Variants in TENM3 observed in about 807,000 individuals in gnomAD.
TENM3 encodes the protein teneurin-3.
Under a neutral mutation model 255.1 loss-of-function variants are expected in TENM3, and 63 were observed. The observed-to-expected ratio is 0.25, with a 90% CI of 0.20 to 0.30. The LOEUF (loss-of-function observed/expected upper bound fraction) is 0.30, where lower values mean the gene tolerates loss of function less well. Among genes scored for constraint, TENM3 ranks in the 10% least tolerant of loss-of-function variants. The pLI is 1.00. For missense variants in TENM3, 2,929 were observed against 3,461.1 expected (o/e 0.85, Z 3.86); for synonymous variants, 1,306 against 1,322.3 (o/e 0.99, Z 0.27).
chr4:181,967,247 T>C, the TENM3 span, among the ~76,000 whole-genome samples: 4 of 152,150 alleles, frequency 2.6e-5, no homozygotes, highest in African/African-American at 9.7e-5. Context: ...GAGAATGAGG[T>C]CCAAATATGG....
chr4:182,151,664 C>CA (rs1264302513), intron 1 of TENM3, among the ~76,000 whole-genome samples: 1 of 151,270 alleles, frequency 6.6e-6, no homozygotes. Flanking sequence ...CTCTTAGGAG[C>CA]AAAAAAACAA....
intron 3 of TENM3, among the ~76,000 whole-genome samples, chr4:182,544,095 T>C (rs1031335530): frequency 2.6e-5 from 4 of 152,158 alleles, no homozygotes; most frequent in African/African-American, 9.7e-5. Context: ...AAGTGAGTTA[T>C]CAGATTTCAG....
chr4:181,658,070 T>C, the TENM3 span, among the ~76,000 whole-genome samples: 5 of 152,116 alleles, frequency 3.3e-5, no homozygotes, highest in African/African-American at 9.7e-5. Context: ...ATGAGATCCA[T>C]AGAAGCCCAA....
At chr4:182,629,993 T>C (rs1158387551) in intron 5 of TENM3, among the ~76,000 whole-genome samples, 2 of 152,192 alleles carry the variant, frequency 1.3e-5, no homozygotes, top group Non-Finnish European at 2.9e-5. Flanking sequence ...TTTTTTCCAA[T>C]TTTTTGACCA....
the TENM3 span, among the ~76,000 whole-genome samples, chr4:181,558,374 C>G: frequency 6.6e-6 from 1 of 152,228 alleles, no homozygotes; most frequent in Non-Finnish European, 1.5e-5. Context: ...GTAAAACCCA[C>G]TATTGATGTG....
chr4:182,757,339 ATCT>A (rs1210260743), intron 22 of TENM3, among the ~76,000 whole-genome samples: 20 of 141,264 alleles, frequency 1.4e-4, no homozygotes, highest in African/African-American at 5.2e-4. Flanking sequence ...AAAAAAAAAG[ATCT>A]TCAGGAGATG....
the TENM3 span, among the ~76,000 whole-genome samples, chr4:181,806,972 G>A: frequency 1.3e-5 from 2 of 152,164 alleles, no homozygotes; most frequent in African/African-American, 4.8e-5. Flanking sequence ...GGCACACAGT[G>A]TAGATACTCC....
the TENM3 span, among the ~76,000 whole-genome samples, chr4:181,910,159 C>T: frequency 6.6e-6 from 1 of 152,186 alleles, no homozygotes; most frequent in Admixed American, 6.6e-5. Context: ...TGTTTTAGTC[C>T]AGAATATATC....
the TENM3 span, among the ~76,000 whole-genome samples, chr4:181,836,809 CT>C: frequency 6.6e-6 from 1 of 152,126 alleles, no homozygotes; most frequent in Non-Finnish European, 1.5e-5. Flanking sequence ...AAACGTTCTT[CT>C]TTGGGGGAGG....
intron 12 of TENM3, among the ~76,000 whole-genome samples, chr4:182,691,179 G>A (rs1000764623): frequency 1.3e-5 from 2 of 152,200 alleles, no homozygotes; most frequent in Non-Finnish European, 2.9e-5. Flanking sequence ...TAAACACCCA[G>A]GAAACTCTGG....
the TENM3 span, among the ~76,000 whole-genome samples, chr4:182,034,333 A>C: frequency 6.6e-6 from 1 of 152,164 alleles, no homozygotes; most frequent in Admixed American, 6.5e-5. Context: ...TCTTGGCTAT[A>C]TCCAGCTTGC....
At chr4:181,783,135 G>T in the TENM3 span, among the ~76,000 whole-genome samples, 1 of 152,174 alleles carries the variant, frequency 6.6e-6, no homozygotes, top group Non-Finnish European at 1.5e-5. Context: ...TGTCTATTAG[G>T]TCTGCTTGGT....
At chr4:182,215,390 T>C (rs957162303) in intron 1 of TENM3, among the ~76,000 whole-genome samples, 2 of 152,200 alleles carry the variant, frequency 1.3e-5, no homozygotes, top group Non-Finnish European at 2.9e-5. Flanking sequence ...GATGAGTTTT[T>C]TAAAAAACAT....
rs1554035562 is a variant in TENM3 at position 182,775,979 on chromosome 4, T to TTA, written c.5304+837_5304+838dup. Among the ~76,000 whole-genome samples the TTA allele has an allele frequency of 6.6e-5, 10 of 151,732 alleles. No individual in the cohort carries two copies. The South Asian group carries it at 8.3e-4, about 13-fold the overall frequency. On this transcript the variant is annotated intron_variant, in intron 24 of 27. Coordinates refer to ENST00000511685, the MANE Select transcript of TENM3 (RefSeq NM_001080477.4). ...GATGATAGATAGATAGATAGATAGA[T>TTA]TATATATATATAGATAGATAGGAGA...
chr4:181,732,581 T>C, the TENM3 span, among the ~76,000 whole-genome samples: 1 of 152,186 alleles, frequency 6.6e-6, no homozygotes, highest in African/African-American at 2.4e-5. Context: ...TAGTTATCAA[T>C]TGTGTTTCCG....
At chr4:182,005,843 A>C in the TENM3 span, among the ~76,000 whole-genome samples, 7 of 152,062 alleles carry the variant, frequency 4.6e-5, no homozygotes, top group Non-Finnish European at 1.5e-5. Context: ...TGTGAATGGG[A>C]GTTCATTCCT....
chr4:182,672,944 C>A (rs1017424297), intron 6 of TENM3, 61 bp from the exon 7 acceptor site: 11 of 1,263,200 alleles, frequency 8.7e-6, no homozygotes, highest in South Asian at 1.5e-5. Context: ...GTTTAAAAAC[C>A]TTTTTTGTTT....
chr4:182,444,380 AG>A (rs1368560536), intron 3 of TENM3, among the ~76,000 whole-genome samples: 1 of 152,172 alleles, frequency 6.6e-6, no homozygotes, highest in African/African-American at 2.4e-5. Context: ...AATTGATCTC[AG>A]TGTGCTATAA....
At chr4:182,679,047 C>T (rs1439884341) in intron 7 of TENM3, among the ~76,000 whole-genome samples, 4 of 152,088 alleles carry the variant, frequency 2.6e-5, no homozygotes, top group Non-Finnish European at 4.4e-5. Context: ...AACATCACCC[C>T]AGGGCCTGTC....
Sources: allele counts gnomAD v4.1 joint callset (sites outside exome capture counted in the v4.1 genomes callset), GRCh38; gene constraint gnomAD v4.1.1; transcripts MANE v1.5; gene names NCBI Gene and HGNC (gene_info 2026-07-23, HGNC 2026-07-21).